LRBA: variants seen among roughly 807,000 people sequenced by gnomAD.
LRBA encodes the protein LPS responsive beige-like anchor protein.
A neutral mutation model predicts 330.0 loss-of-function variants in LRBA; 176 were observed. The ratio of observed to expected loss-of-function variants is 0.53; its 90% CI spans 0.47 to 0.60. The LOEUF (loss-of-function observed/expected upper bound fraction) is 0.60. Ranked by LOEUF, LRBA falls within the 20% of genes least tolerant of loss-of-function variation. The pLI is 0.00. For missense variants in LRBA, 3,259 were observed against 3,444.8 expected (o/e 0.95, Z 1.35); for synonymous variants, 1,230 against 1,193.0 (o/e 1.03, Z -0.64).
At chr4:150,586,468 A>G (rs1772127138) in intron 40 of LRBA, among the ~76,000 whole-genome samples, 1 of 152,194 alleles carries the variant, frequency 6.6e-6, no homozygotes, top group Non-Finnish European at 1.5e-5. Context: ...TTAAAGCATT[A>G]ACATCTATAC....
intron 30 of LRBA, among the ~76,000 whole-genome samples, chr4:150,827,420 TC>T (rs1746428713): frequency 6.6e-6 from 1 of 151,926 alleles, no homozygotes; most frequent in Admixed American, 6.6e-5. Flanking sequence ...CTCTCCTGCT[TC>T]CCCTTTCACT....
chr4:150,994,462 T>C lies in LRBA; in HGVS notation c.216+19965A>G, dbSNP rs77024047. 4.1e-4 allele frequency among the ~76,000 whole-genome samples: 62 copies of C among 152,292 alleles called. No individual in the cohort carries two copies. The East Asian group carries it at 9.8e-3, about 24-fold the overall frequency. On this transcript the variant is annotated intron_variant, in intron 2 of 56. Transcript: ENST00000651943. ...GTATTTATTAAGCACCTACTACATG[T>C]TAGGTACAAGGCCCCAAGGCCCTGG... is the stretch of plus-strand genomic sequence containing the variant.
chr4:150,929,100 T>C (rs1208654900), intron 2 of LRBA, 35 bp from the exon 3 acceptor site: 2 of 1,347,190 alleles, frequency 1.5e-6, no homozygotes, highest in East Asian at 4.6e-5. Flanking sequence ...ATTAAAAGCA[T>C]TAGTATCCTC....
At chr4:150,515,323 C>G (rs1762222866) in intron 40 of LRBA, among the ~76,000 whole-genome samples, 1 of 152,094 alleles carries the variant, frequency 6.6e-6, no homozygotes, top group African/African-American at 2.4e-5. Context: ...TCATCATTTA[C>G]TAGATGCTGA....
chr4:150,451,723 C>T (rs1242848951), intron 44 of LRBA, among the ~76,000 whole-genome samples: 1 of 151,828 alleles, frequency 6.6e-6, no homozygotes, highest in Non-Finnish European at 1.5e-5. Flanking sequence ...GAATTGAAAA[C>T]AGAAAAAGCA....
chr4:150,491,761 C>T (rs1758978293), intron 40 of LRBA, among the ~76,000 whole-genome samples: 1 of 152,056 alleles, frequency 6.6e-6, no homozygotes, highest in South Asian at 2.1e-4. Flanking sequence ...TGTCTTTAGT[C>T]CTAACCCACT....
intron 36 of LRBA, among the ~76,000 whole-genome samples, chr4:150,690,698 C>A (rs1784053473): frequency 6.6e-6 from 1 of 150,452 alleles, no homozygotes; most frequent in Non-Finnish European, 1.5e-5. Context: ...AAAGACGAAT[C>A]TTTTCTTTCA....
At chr4:150,957,731 G>C (rs1329620517) in intron 2 of LRBA, among the ~76,000 whole-genome samples, 1 of 149,076 alleles carries the variant, frequency 6.7e-6, no homozygotes, top group East Asian at 1.9e-4. Flanking sequence ...ATACAATGGG[G>C]GTACAGGCAT....
At position 150,264,811 on chromosome 4, in the gene LRBA, A is replaced by C. The variant is rs1004181804; in HGVS notation, c.*911T>G. The stretch of plus-strand genomic sequence containing the variant: ...TAGTACAAATTGCTAATCAAAAGGA[A>C]GGTGGAGATGATAGTTTAATAACAA... On this transcript the variant is annotated 3_prime_UTR_variant, in exon 57 of 57. Coordinates refer to ENST00000651943, the MANE Select transcript of LRBA (RefSeq NM_001364905.1). 6.5e-6 allele frequency: 1 copy of C among 152,684 alleles called. No homozygotes were observed. The highest frequency in any genetic ancestry group is 6.5e-5 in the Admixed American group (1 of 15,284). 9.5% of individuals were successfully genotyped at this position (152,684 alleles called of 1,614,324 possible).
chr4:150,624,615 CTAA>C (rs1347631352), intron 37 of LRBA, among the ~76,000 whole-genome samples: 1 of 151,988 alleles, frequency 6.6e-6, no homozygotes, highest in African/African-American at 2.4e-5. Context: ...GAATTTTATA[CTAA>C]TGTTTATACA....
intron 48 of LRBA, among the ~76,000 whole-genome samples, chr4:150,343,864 C>G (rs1227305856): frequency 6.6e-6 from 1 of 152,200 alleles, no homozygotes; most frequent in African/African-American, 2.4e-5. Flanking sequence ...AATATTATCT[C>G]ATCCTTAGCA....
intron 9 of LRBA, among the ~76,000 whole-genome samples, chr4:150,910,418 G>A (rs1009021447): frequency 3.3e-5 from 5 of 152,042 alleles, no homozygotes; most frequent in East Asian, 3.9e-4. Context: ...ATCATGTGTT[G>A]AACACATTGT....
chr4:150,670,061 T>C (rs1056829205), intron 37 of LRBA, among the ~76,000 whole-genome samples: 1 of 152,124 alleles, frequency 6.6e-6, no homozygotes, highest in Admixed American at 6.6e-5. Flanking sequence ...AGTTAATATG[T>C]TTCCTGCTTG....
chr4:150,384,359 A>G (rs116679060), intron 47 of LRBA, among the ~76,000 whole-genome samples: 250 of 152,210 alleles, frequency 1.6e-3, no homozygotes, highest in African/African-American at 5.6e-3. Flanking sequence ...TTTTACATCT[A>G]TATAAAAGGT....
chr4:150,751,048 A>T (rs963336443), intron 35 of LRBA, among the ~76,000 whole-genome samples: 94 of 152,300 alleles, frequency 6.2e-4, no homozygotes, highest in African/African-American at 2.1e-3. Flanking sequence ...AAATACTTCA[A>T]ACCAAATATT....
chr4:150,398,128 T>C (rs917187590), intron 47 of LRBA, among the ~76,000 whole-genome samples: 3 of 152,164 alleles, frequency 2.0e-5, no homozygotes, highest in Admixed American at 6.5e-5. Flanking sequence ...TCCACAGACA[T>C]TCTGTTGGTG....
chr4:150,554,292 C>G (rs572332908), intron 40 of LRBA, among the ~76,000 whole-genome samples: 1 of 152,206 alleles, frequency 6.6e-6, no homozygotes, highest in East Asian at 1.9e-4. Flanking sequence ...CAAAAATCAC[C>G]CTTCCTTTCT....
chr4:150,748,724 TG>T (rs1405384648), intron 35 of LRBA, among the ~76,000 whole-genome samples: 1 of 152,046 alleles, frequency 6.6e-6, no homozygotes, highest in Non-Finnish European at 1.5e-5. Context: ...TTTGAATATC[TG>T]TATCCCCTCC....
intron 2 of LRBA, among the ~76,000 whole-genome samples, chr4:150,944,634 A>G (rs764115155): frequency 7.0e-4 from 106 of 152,238 alleles, no homozygotes; most frequent in Non-Finnish European, 2.4e-4. Context: ...ATGAAACAAA[A>G]AGATATAGCC....
Sources: allele counts gnomAD v4.1 joint callset (sites outside exome capture counted in the v4.1 genomes callset), GRCh38; gene constraint gnomAD v4.1.1; transcripts MANE v1.5; gene names NCBI Gene and HGNC (gene_info 2026-07-23, HGNC 2026-07-21).